PTPRD: variants seen among roughly 807,000 people sequenced by gnomAD.
PTPRD encodes protein tyrosine phosphatase receptor type D.
In PTPRD, 34 loss-of-function variants were observed where a neutral mutation model predicts 214.5. The observed-to-expected ratio is 0.16, with a 90% CI of 0.12 to 0.21. PTPRD has a LOEUF of 0.21. Among genes scored for constraint, PTPRD ranks in the 10% least tolerant of loss-of-function variants. The pLI, the probability that PTPRD is intolerant of heterozygous loss-of-function variation, is 1.00. For missense variants in PTPRD, 2,545 were observed against 2,398.7 expected (o/e 1.06, Z -1.27); for synonymous variants, 1,128 against 845.7 (o/e 1.33, Z -5.79).
chr9:9,266,970 A>T (rs1940108332), intron 9 of PTPRD, among the ~76,000 whole-genome samples: 1 of 151,312 alleles, frequency 6.6e-6, no homozygotes, highest in South Asian at 2.1e-4. Flanking sequence ...AATGAAATAG[A>T]GACTACAAAA....
At chr9:9,720,749 C>T (rs1052869455) in intron 7 of PTPRD, among the ~76,000 whole-genome samples, 1 of 151,994 alleles carries the variant, frequency 6.6e-6, no homozygotes, top group South Asian at 2.1e-4. Flanking sequence ...ACCTAAATGC[C>T]CATCAATGAC....
intron 5 of PTPRD, among the ~76,000 whole-genome samples, chr9:9,909,319 T>C (rs901844009): frequency 8.2e-6 from 1 of 122,222 alleles, no homozygotes; most frequent in African/African-American, 4.5e-5. Context: ...ATCTGAAAGT[T>C]TTTTTTTTTT....
intron 11 of PTPRD, among the ~76,000 whole-genome samples, chr9:8,881,218 T>C (rs2098443520): frequency 6.6e-6 from 1 of 152,202 alleles, no homozygotes; most frequent in Non-Finnish European, 1.5e-5. Context: ...TGTTCCCTGA[T>C]CTCACAGAAC....
intron 2 of PTPRD, among the ~76,000 whole-genome samples, chr9:10,509,151 T>C (rs1216919917): frequency 6.6e-6 from 1 of 152,092 alleles, no homozygotes; most frequent in Non-Finnish European, 1.5e-5. Context: ...AGGTAAACTT[T>C]GACCTACTTA....
chr9:10,558,445 G>A (rs1394462307), intron 2 of PTPRD, among the ~76,000 whole-genome samples: 2 of 152,076 alleles, frequency 1.3e-5, no homozygotes, highest in Non-Finnish European at 2.9e-5. Flanking sequence ...CCAAGGAGAT[G>A]TACCTTCATA....
chr9:10,604,400 C>T (rs577869834), intron 2 of PTPRD, among the ~76,000 whole-genome samples: 18 of 151,720 alleles, frequency 1.2e-4, no homozygotes, highest in Middle Eastern at 3.4e-3. Flanking sequence ...TTTATTAAAT[C>T]CTGGCATGTT....
At chr9:9,014,170 T>C (rs994204808) in intron 11 of PTPRD, among the ~76,000 whole-genome samples, 2 of 148,242 alleles carry the variant, frequency 1.3e-5, no homozygotes, top group African/African-American at 5.0e-5. Context: ...GTCCATGCTA[T>C]TACCTCGTTT....
intron 6 of PTPRD, among the ~76,000 whole-genome samples, chr9:9,766,155 T>A (rs1488111810): frequency 6.6e-6 from 1 of 152,216 alleles, no homozygotes; most frequent in Non-Finnish European, 1.5e-5. Context: ...TTTATTCATC[T>A]TATACATTTT....
At chr9:9,341,754 G>A (rs1211147040) in intron 9 of PTPRD, among the ~76,000 whole-genome samples, 1 of 151,930 alleles carries the variant, frequency 6.6e-6, no homozygotes, top group East Asian at 1.9e-4. Context: ...GGAAAATAAT[G>A]ATATATGTAG....
intron 35 of PTPRD, among the ~76,000 whole-genome samples, chr9:8,408,262 A>T (rs528114356): frequency 6.6e-6 from 1 of 152,254 alleles, no homozygotes; most frequent in Non-Finnish European, 1.5e-5. Flanking sequence ...AGGTTACCCA[A>T]ATATTAATTA....
intron 11 of PTPRD, among the ~76,000 whole-genome samples, chr9:8,827,749 C>T (rs1049353576): frequency 1.3e-5 from 2 of 152,068 alleles, no homozygotes; most frequent in African/African-American, 4.8e-5. Flanking sequence ...TCTCATCACT[C>T]AAAGATTTAT....
intron 3 of PTPRD, among the ~76,000 whole-genome samples, chr9:10,233,128 G>C (rs7871417): frequency 0.11 from 16,321 of 151,988 alleles, 1,336 homozygotes; most frequent in East Asian, 0.36. Context: ...ATTCTGGCTT[G>C]CAAAGCACAT....
chr9:9,725,091 G>A lies in PTPRD; in HGVS notation c.-287+9442C>T, dbSNP rs561676732. On this transcript the variant is annotated intron_variant, in intron 7 of 45. Transcript: ENST00000381196. ...AAATATCTGGGGTAGGTTAGTCAGA[G>A]TGTCCTTAACACATCCTCTTTTGCT... is the stretch of plus-strand genomic sequence containing the variant. Among the ~76,000 whole-genome samples the A allele has an allele frequency of 1.1e-4, 17 of 152,208 alleles. No individual in the cohort carries two copies. The South Asian group carries it at 2.9e-3, about 26-fold the overall frequency.
At chr9:9,685,278 AT>A (rs1398997618) in intron 7 of PTPRD, among the ~76,000 whole-genome samples, 1 of 145,810 alleles carries the variant, frequency 6.9e-6, no homozygotes, top group Non-Finnish European at 1.5e-5. Context: ...ATATATATAT[AT>A]GTATCCATAG....
rs1234201282 is a variant in PTPRD, at chr9:8,815,572, T to A, written c.-103-81626A>T. Among the ~76,000 whole-genome samples, 4 of 152,322 alleles carry A rather than the reference T, an allele frequency of 2.6e-5. No individual in the cohort carries two copies. In the East Asian group the frequency reaches 7.7e-4, roughly 29 times the overall value. Reference sequence around the variant, plus strand: ...CCAATATAATCATGTCACATTATTATATACAAATTTTGTCACTAATCATGG... The same window carrying A: ...CCAATATAATCATGTCACATTATTAAATACAAATTTTGTCACTAATCATGG... On this transcript the variant is annotated intron_variant, in intron 11 of 45. Coordinates refer to ENST00000381196, the MANE Select transcript of PTPRD (RefSeq NM_002839.4).
chr9:10,223,400 C>T (rs2154350714), intron 3 of PTPRD, among the ~76,000 whole-genome samples: 1 of 152,050 alleles, frequency 6.6e-6, no homozygotes, highest in African/African-American at 2.4e-5. Context: ...CGTGGTGGCT[C>T]ACACCTGTAA....
intron 9 of PTPRD, among the ~76,000 whole-genome samples, chr9:9,230,370 G>C (rs575006504): frequency 2.4e-4 from 37 of 152,076 alleles, no homozygotes; most frequent in Admixed American, 4.6e-4. Context: ...ACCCAGGTAG[G>C]ATATGCCCCA....
intron 4 of PTPRD, among the ~76,000 whole-genome samples, chr9:10,025,108 T>C (rs895808283): frequency 2.6e-5 from 4 of 152,024 alleles, no homozygotes; most frequent in African/African-American, 7.2e-5. Flanking sequence ...CATGTGTCTT[T>C]ATAGCAGCAT....
chr9:10,214,088 T>C (rs2099529554), intron 3 of PTPRD, among the ~76,000 whole-genome samples: 1 of 152,144 alleles, frequency 6.6e-6, no homozygotes, highest in Admixed American at 6.6e-5. Flanking sequence ...ATTTTACACG[T>C]GAATTCTTAT....
Sources: gnomAD v4.1 joint callset for allele counts (sites outside exome capture counted in the v4.1 genomes callset) on GRCh38, gnomAD v4.1.1 for gene constraint, MANE v1.5 for transcripts, NCBI Gene and HGNC (gene_info 2026-07-23, HGNC 2026-07-21) for gene names.